The following TACC2 variants were observed in gnomAD, a reference collection of about 807,000 sequenced individuals.
TACC2 encodes the protein transforming acidic coiled-coil containing protein 2.
Under a neutral mutation model 227.3 loss-of-function variants are expected in TACC2, and 137 were observed. That is an observed-to-expected ratio of 0.60 (90% CI 0.52 to 0.69). The LOEUF is 0.69. Among genes scored for constraint, TACC2 ranks in the 30% least tolerant of loss-of-function variants. The pLI is 0.00. For synonymous variants in TACC2, 1,523 were observed against 1,487.5 expected (o/e 1.02, Z -0.55); for missense variants, 3,470 against 3,694.4 (o/e 0.94, Z 1.57).
In TACC2 at chr10:122,013,975, A is replaced by G. The variant is rs549137357; in HGVS notation, c.-45-7962A>G. On this transcript the variant is annotated intron_variant, in intron 1 of 22. Coordinates refer to ENST00000369005, the MANE Select transcript of TACC2 (RefSeq NM_206862.4). ...ACTAACAATCTAAATTATTCTATGT[A>G]GGAGAAAAATCAGAATTTATTAAAC... 3.9e-5 allele frequency among the ~76,000 whole-genome samples: 6 copies of G among 152,334 alleles called. No homozygotes were observed. The South Asian group carries it at 1.2e-3, about 32-fold the overall frequency.
intron 1 of TACC2, among the ~76,000 whole-genome samples, chr10:122,014,133 T>C (rs1956266807): frequency 6.6e-6 from 1 of 152,172 alleles, no homozygotes; most frequent in Non-Finnish European, 1.5e-5. Flanking sequence ...ATTACTAGGC[T>C]GTACTAACAG....
At chr10:122,059,060 T>TTTG (rs66524910) in intron 3 of TACC2, among the ~76,000 whole-genome samples, 1,720 of 70,224 alleles carry the variant, frequency 0.024, 47 homozygotes, top group Non-Finnish European at 0.029. Context: ...GCCTGGCTAA[T>TTTG]TTGTTGTTGT....
chr10:121,997,546 C>G (rs745897830), intron 1 of TACC2, among the ~76,000 whole-genome samples: 7 of 152,248 alleles, frequency 4.6e-5, no homozygotes, highest in Admixed American at 2.0e-4. Context: ...TGGGCCAGGA[C>G]CACTCAGACA....
chr10:122,129,210 C>T (rs185102430), intron 5 of TACC2, among the ~76,000 whole-genome samples: 102 of 152,052 alleles, frequency 6.7e-4, no homozygotes, highest in African/African-American at 2.4e-3. Context: ...GTGCCCACTA[C>T]CACACCTGGC....
chr10:122,074,849 A>C (rs2078589467), intron 3 of TACC2, among the ~76,000 whole-genome samples: 1 of 152,184 alleles, frequency 6.6e-6, no homozygotes, highest in African/African-American at 2.4e-5. Context: ...CATGTCAGGT[A>C]GGACTGAAAA....
chr10:122,084,237 G>A lies in TACC2; in HGVS notation c.1737G>A (p.Lys579=), dbSNP rs758636102. ...SRSPGDSPGG[K]EEAPEPPDGG... ...CACCTGGTGACAGCCCTGGAGGAAAGGAGGAAGCCCCAGAGCCACCTGATG... is the reference window on the plus strand; with the variant it reads ...CACCTGGTGACAGCCCTGGAGGAAAAGAGGAAGCCCCAGAGCCACCTGATG... Residue 579 remains lysine, a synonymous_variant, in exon 4 of 23, where the codon AAG becomes AAA. Coordinates refer to ENST00000369005, the MANE Select transcript of TACC2 (RefSeq NM_206862.4). The A allele has an allele frequency of 1.9e-6, 3 of 1,613,986 alleles. No homozygotes were observed. Among genetic ancestry groups the A allele is most frequent in the Non-Finnish European group, 2.5e-6 (3 of 1,180,052 alleles).
At chr10:122,230,532 G>A in intron 16 of TACC2, 92 bp downstream of exon 16, 2 of 1,167,832 alleles carry the variant, frequency 1.7e-6, no homozygotes, top group Admixed American at 1.8e-5. Flanking sequence ...CCGCCAGGCG[G>A]GCATCATCGG....
At chr10:122,204,262 C>T (rs1169937401) in intron 8 of TACC2, among the ~76,000 whole-genome samples, 1 of 152,134 alleles carries the variant, frequency 6.6e-6, no homozygotes, top group African/African-American at 2.4e-5. Flanking sequence ...TCCAGAGCGT[C>T]TCATTTCATG....
intron 7 of TACC2, among the ~76,000 whole-genome samples, chr10:122,184,868 C>T (rs139601654): frequency 3.0e-4 from 45 of 152,172 alleles, no homozygotes; most frequent in African/African-American, 8.2e-4. Flanking sequence ...CACTCACCTT[C>T]GTTAACAGCC....
chr10:122,111,203 C>CT (rs11396858), intron 5 of TACC2, among the ~76,000 whole-genome samples: 126,668 of 152,130 alleles, frequency 0.83, 53,802 homozygotes, highest in East Asian at 0.98. Flanking sequence ...CTTCATTCCC[C>CT]TTGTCATGTA....
intron 3 of TACC2, among the ~76,000 whole-genome samples, chr10:122,071,719 CAA>C (rs145636754): frequency 3.7e-5 from 4 of 108,630 alleles, no homozygotes; most frequent in African/African-American, 3.5e-5. Flanking sequence ...ACTAAAAATA[CAA>C]AAAAAAAAAA....
chr10:122,059,037 C>T (rs867220184), intron 3 of TACC2, among the ~76,000 whole-genome samples: 5 of 150,162 alleles, frequency 3.3e-5, no homozygotes, highest in East Asian at 2.0e-4. Context: ...GGATTACAGG[C>T]GCCTGCCACT....
intron 7 of TACC2, among the ~76,000 whole-genome samples, chr10:122,149,135 C>T (rs912959755): frequency 6.6e-6 from 1 of 152,224 alleles, no homozygotes; most frequent in African/African-American, 2.4e-5. Context: ...CCAAGGCAGC[C>T]ACAGCTGACC....
intron 7 of TACC2, among the ~76,000 whole-genome samples, chr10:122,167,048 G>A (rs1169067335): frequency 6.6e-6 from 1 of 152,174 alleles, no homozygotes; most frequent in Non-Finnish European, 1.5e-5. Context: ...CCTTTATGTA[G>A]TTGGAGACCC....
At position 122,087,869 on chromosome 10, in the gene TACC2, G is replaced by C; in HGVS notation, c.5369G>C (p.Gly1790Ala). The change falls in exon 4 of 23, where the codon GGG (glycine) becomes GCG (alanine). Residue 1790 changes from glycine (G) to alanine (A), a missense_variant. This residue lies in a region of TACC2 where 1,924 missense variants were observed against 1,978.3 expected (regional missense o/e 0.97). Coordinates refer to ENST00000369005, the MANE Select transcript of TACC2 (RefSeq NM_206862.4). ...GPERPIPAGDGKVCVSSPPEP... is the reference protein window; with the variant it reads ...GPERPIPAGDAKVCVSSPPEP... ...GAGCGCCCCATTCCAGCTGGGGATG[G>C]GAAGGTGTGCGTCTCCTCACCTCCA... 6.6e-7 allele frequency: 1 copy of C among 1,522,122 alleles called. No homozygotes were observed. The highest frequency in any genetic ancestry group is 8.8e-7 in the Non-Finnish European group (1 of 1,136,322). The allele number at this position is 1,522,122 out of a possible 1,614,324, so 94.3% of individuals were successfully genotyped here.
intron 19 of TACC2, among the ~76,000 whole-genome samples, chr10:122,244,348 G>A (rs1414518641): frequency 2.6e-5 from 4 of 152,300 alleles, no homozygotes; most frequent in African/African-American, 9.6e-5. Context: ...ATCTCACTGT[G>A]TGTCCGTTCC....
intron 7 of TACC2, among the ~76,000 whole-genome samples, chr10:122,193,476 T>C (rs1345513852): frequency 2.6e-5 from 4 of 152,094 alleles, no homozygotes; most frequent in African/African-American, 7.2e-5. Flanking sequence ...TTTTGGAAGC[T>C]CAGCAACGTG....
rs138512629 is a variant in TACC2 at position 122,099,918 on chromosome 10, G to A, written c.5573+11327G>A. 2.3e-3 allele frequency among the ~76,000 whole-genome samples: 347 copies of A among 152,312 alleles called. 1 individual carries two copies. The highest frequency in any genetic ancestry group is 8.1e-3 in the African/African-American group (336 of 41,574). On this transcript the variant is annotated intron_variant, in intron 5 of 22. Coordinates refer to ENST00000369005, the MANE Select transcript of TACC2 (RefSeq NM_206862.4). The stretch of plus-strand genomic sequence containing the variant: ...TTTTATCTTCAATGGAGAGGATTCT[G>A]TAAAAATGGAATGTAGAAAATTGCC...
intron 18 of TACC2, 110 bp from the exon 19 acceptor site, chr10:122,241,848 C>G (rs4752674): frequency 0.074 from 72,245 of 980,310 alleles, 3,272 homozygotes; most frequent in South Asian, 0.13. Context: ...TGAAGGTGAC[C>G]CTGGAAGTTG....
Sources: gnomAD v4.1 joint callset for allele counts (sites outside exome capture counted in the v4.1 genomes callset) on GRCh38, gnomAD v4.1.1 for gene constraint, gnomAD v4.1.1 regional missense constraint, MANE v1.5 for transcripts, NCBI Gene and HGNC (gene_info 2026-07-23, HGNC 2026-07-21) for gene names.